SLAIN1: variants seen among roughly 807,000 people sequenced by gnomAD.
The protein encoded by SLAIN1 is SLAIN family member 1, also known as SLAIN motif-containing protein 1.
SLAIN1 carries 17 observed loss-of-function variants against 55.4 expected under a neutral mutation model. The observed-to-expected ratio is 0.31, with a 90% CI of 0.21 to 0.46. SLAIN1 has a LOEUF of 0.46. Among genes scored for constraint, SLAIN1 ranks in the 20% least tolerant of loss-of-function variants. The probability of loss-of-function intolerance (pLI) is 1.00; values close to 1 mark genes in which losing one functional copy is unlikely to be tolerated. For synonymous variants in SLAIN1, 348 were observed against 337.4 expected (o/e 1.03, Z -0.35); for missense variants, 682 against 785.1 (o/e 0.87, Z 1.57).
At chr13:77,717,043 T>C (rs532284272) in intron 1 of SLAIN1, among the ~76,000 whole-genome samples, 1 of 152,244 alleles carries the variant, frequency 6.6e-6, no homozygotes, top group South Asian at 2.1e-4. Flanking sequence ...TCCGATTTGA[T>C]GAGAATTTTT....
Position 77,697,901 on chromosome 13 carries a change from C to A in SLAIN1, c.-13C>A. 1 of 1,367,824 alleles carries A rather than the reference C, an allele frequency of 7.3e-7. No individual in the cohort carries two copies. The highest frequency in any genetic ancestry group is 9.5e-7 in the Non-Finnish European group (1 of 1,052,166). 84.7% of individuals were successfully genotyped at this position (1,367,824 alleles called of 1,614,324 possible). A position where few individuals can be genotyped will look rare whatever the true frequency, so the allele number is the denominator to read the frequency against. ...CGCACTCCCCGGCGGCCGCGGCGCC[C>A]TCGGGGCCCACGATGATGGCGGAGC... On this transcript the variant is annotated 5_prime_UTR_variant, in exon 1 of 7. Coordinates refer to ENST00000418532, the MANE Select transcript of SLAIN1 (RefSeq NM_001242868.2).
At chr13:77,710,348 G>C (rs1230564321) in intron 1 of SLAIN1, among the ~76,000 whole-genome samples, 2 of 151,964 alleles carry the variant, frequency 1.3e-5, no homozygotes, top group Non-Finnish European at 2.9e-5. Flanking sequence ...CACATGCAAA[G>C]GCACATATAG....
chr13:77,744,313 C>G lies in SLAIN1; in HGVS notation c.797C>G (p.Pro266Arg). 1 of 1,612,724 alleles carries G rather than the reference C, an allele frequency of 6.2e-7. No homozygotes were observed. The highest frequency in any genetic ancestry group is 8.5e-7 in the Non-Finnish European group (1 of 1,179,202). ...ACTTCCAGGGGCTCCCCACTCAGTC[C>G]CCAGTCATCTATCGACAGTGAGCTG... ...GYTSRGSPLS[P>R]QSSIDSELST... The change falls in exon 3 of 7, where the codon CCC becomes CGC. Residue 266 changes from proline to arginine, a missense_variant. Around this residue, in one of 3 missense-constraint regions of SLAIN1, gnomAD observed 401 missense variants for 417.3 expected, o/e 0.96. Transcript: ENST00000418532.
intron 1 of SLAIN1, among the ~76,000 whole-genome samples, chr13:77,718,132 C>T (rs1419493996): frequency 2.0e-5 from 3 of 151,980 alleles, no homozygotes; most frequent in Admixed American, 6.6e-5. Context: ...ACAATTAAAT[C>T]CATTGAGATC....
Position 77,698,090 on chromosome 13 carries a change from G to A in SLAIN1, c.177G>A (p.Leu59=). 2 of 1,185,266 alleles carry A rather than the reference G, an allele frequency of 1.7e-6. No individual in the cohort carries two copies. The highest frequency in any genetic ancestry group is 2.1e-6 in the Non-Finnish European group (2 of 957,732). 73.4% of individuals were successfully genotyped at this position (1,185,266 alleles called of 1,614,324 possible). ...CCAGCGCGGCCGCCGCCCCGCACCT[G>A]CTGCTGCTGCCGCCGCCGCCGCCCG... The part of the protein sequence containing the change: ...RAASAAAAPH[L]LLLPPPPPAA... Residue 59 remains leucine (L), a synonymous_variant, in exon 1 of 7, where the codon CTG becomes CTA. Transcript: ENST00000418532. The surrounding 1 kb of genome is among the most constrained non-coding windows in gnomAD (Gnocchi z 4.1).
At chr13:77,713,796 A>C (rs544723319) in intron 1 of SLAIN1, among the ~76,000 whole-genome samples, 3 of 152,330 alleles carry the variant, frequency 2.0e-5, no homozygotes, top group African/African-American at 7.2e-5. Context: ...AGTAGACTGG[A>C]TAAAGAAAAT....
chr13:77,755,104 C>A (rs576873081), intron 5 of SLAIN1, among the ~76,000 whole-genome samples: 2 of 152,042 alleles, frequency 1.3e-5, no homozygotes, highest in South Asian at 4.2e-4. Flanking sequence ...GTCTGAATTA[C>A]AAAAATCAGT....
At chr13:77,740,093 A>G (rs1873340707) in intron 2 of SLAIN1, among the ~76,000 whole-genome samples, 1 of 152,086 alleles carries the variant, frequency 6.6e-6, no homozygotes, top group Non-Finnish European at 1.5e-5. Flanking sequence ...GAGACACTGT[A>G]GAGGTGGGCA....
At chr13:77,724,447 G>A (rs2091289668) in intron 2 of SLAIN1, among the ~76,000 whole-genome samples, 1 of 152,174 alleles carries the variant, frequency 6.6e-6, no homozygotes, top group Non-Finnish European at 1.5e-5. Context: ...ACCATCCCGA[G>A]TGTGATAATT....
chr13:77,742,932 T>A (rs1010155320), intron 2 of SLAIN1: 21 of 866,962 alleles, frequency 2.4e-5, no homozygotes, highest in Admixed American at 5.4e-5. Context: ...TTTTTTTTTT[T>A]TTATTCTCTT....
intron 1 of SLAIN1, among the ~76,000 whole-genome samples, chr13:77,716,937 CTGTT>C (rs2091213863): frequency 6.6e-6 from 1 of 152,098 alleles, no homozygotes; most frequent in African/African-American, 2.4e-5. Context: ...ATGTCTGTGT[CTGTT>C]TGATATCACA....
intron 1 of SLAIN1, among the ~76,000 whole-genome samples, chr13:77,708,495 A>G (rs1161252525): frequency 6.6e-6 from 1 of 152,152 alleles, no homozygotes; most frequent in Non-Finnish European, 1.5e-5. Context: ...GTTGACAGAC[A>G]CCTCATACGG....
At chr13:77,712,633 C>A (rs778867891) in intron 1 of SLAIN1, among the ~76,000 whole-genome samples, 30 of 152,112 alleles carry the variant, frequency 2.0e-4, no homozygotes, top group Non-Finnish European at 3.7e-4. Context: ...GGCCATACTG[C>A]CCAAAGTAAT....
At chr13:77,699,161 C>T (rs2091005747) in intron 1 of SLAIN1, 1 of 1,123,828 alleles carries the variant, frequency 8.9e-7, no homozygotes, top group Non-Finnish European at 1.3e-6. Context: ...AATGGGGTGA[C>T]CTCACTGGCT....
intron 5 of SLAIN1, 41 bp from the exon 6 acceptor site, chr13:77,760,787 T>C: frequency 6.3e-7 from 1 of 1,599,866 alleles, no homozygotes; most frequent in South Asian, 1.1e-5. Flanking sequence ...AGTCGGATAG[T>C]GGTAGAAGGT....
intron 2 of SLAIN1, among the ~76,000 whole-genome samples, chr13:77,733,447 C>T (rs898420051): frequency 6.6e-6 from 1 of 152,050 alleles, no homozygotes; most frequent in Non-Finnish European, 1.5e-5. Flanking sequence ...ATCCTGGTAT[C>T]ATAGGTACTC....
intron 1 of SLAIN1, among the ~76,000 whole-genome samples, 197 bp from the exon 2 acceptor site, chr13:77,719,335 A>G (rs981535948): frequency 1.3e-5 from 2 of 151,014 alleles, no homozygotes; most frequent in African/African-American, 4.9e-5. Context: ...CTTTTTTTGG[A>G]AGTTCTCACC....
chr13:77,740,920 C>T (rs1188236310), intron 2 of SLAIN1, among the ~76,000 whole-genome samples: 3 of 152,018 alleles, frequency 2.0e-5, no homozygotes, highest in African/African-American at 7.2e-5. Context: ...TGTTAGCCTG[C>T]CTTTACAATA....
chr13:77,727,504 C>CA (rs527496050), intron 2 of SLAIN1, among the ~76,000 whole-genome samples: 1,747 of 120,102 alleles, frequency 0.015, 28 homozygotes, highest in African/African-American at 0.036. Flanking sequence ...CTAGCCAAGC[C>CA]AAAAAAAAAA....
Sources: gnomAD v4.1 joint callset for allele counts (sites outside exome capture counted in the v4.1 genomes callset) on GRCh38, gnomAD v4.1.1 for gene constraint, gnomAD v4.1.1 regional missense constraint, Gnocchi (gnomAD v3.1) non-coding constraint, MANE v1.5 for transcripts, NCBI Gene and HGNC (gene_info 2026-07-23, HGNC 2026-07-21) for gene names.